PIPOX: variants seen among roughly 807,000 people sequenced by gnomAD.
The protein encoded by PIPOX is pipecolic acid and sarcosine oxidase.
Under a neutral mutation model 47.9 loss-of-function variants are expected in PIPOX, and 45 were observed. That is an observed-to-expected ratio of 0.94 (90% CI 0.74 to 1.20). The LOEUF (loss-of-function observed/expected upper bound fraction) is 1.20. PIPOX is among the 50% of genes most tolerant of loss of function. The pLI is 0.00. For missense variants in PIPOX, 458 were observed against 498.4 expected (o/e 0.92, Z 0.77); for synonymous variants, 165 against 191.3 (o/e 0.86, Z 1.13).
In PIPOX at chr17:29,055,178, A is replaced by T; in HGVS notation, c.923A>T (p.Asp308Val). ...AGCTTTGTCAGAGATCACTTACCTG[A>T]TCTGAAGCCCGAGCCTGCTGTCATT... ...LSSFVRDHLP[D>V]LKPEPAVIES... The change falls in exon 6 of 8, where the codon GAT becomes GTT. Residue 308 changes from aspartate to valine, a missense_variant. Physicochemically the swap from Asp to Val is radical, Grantham distance 152 (BLOSUM62 -3). Coordinates refer to ENST00000323372, the MANE Select transcript of PIPOX (RefSeq NM_016518.3). The T allele has an allele frequency of 6.2e-7, 1 of 1,614,086 alleles. No individual in the cohort carries two copies. Among genetic ancestry groups the T allele is most frequent in the Non-Finnish European group, 8.5e-7 (1 of 1,179,990 alleles).
At chr17:29,052,863 A>G in intron 2 of PIPOX, 57 bp from the exon 3 acceptor site, 4 of 1,496,666 alleles carry the variant, frequency 2.7e-6, no homozygotes, top group Non-Finnish European at 3.7e-6. Context: ...GTGAGTCGTC[A>G]CATCAGGCCC....
rs151270250 is a variant in PIPOX, at chr17:29,054,564, G to A, written c.680G>A (p.Cys227Tyr). The part of the protein sequence containing the change: ...MPLQTLRINV[C>Y]YWREMVPGSY... ...CTCAAGACCCTGCGGATCAACGTGTGTTACTGGCGAGAGATGGTTCCTGGG... is the reference window on the plus strand; with the variant it reads ...CTCAAGACCCTGCGGATCAACGTGTATTACTGGCGAGAGATGGTTCCTGGG... The change falls in exon 5 of 8, where the codon TGT (cysteine) becomes TAT (tyrosine). Residue 227 changes from cysteine (C) to tyrosine (Y), a missense_variant. Physicochemically the swap from Cys to Tyr is radical, Grantham distance 194. Transcript: ENST00000323372. The A allele has an allele frequency of 4.3e-4, 693 of 1,614,196 alleles. 4 individuals carry two copies. In the South Asian group the frequency reaches 4.7e-3, roughly 11 times the overall value.
rs746677098 is a variant in PIPOX, at chr17:29,055,881, A to C, written c.1035A>C (p.Gly345=). The C allele has an allele frequency of 2.5e-6, 4 of 1,613,762 alleles. No homozygotes were observed. The African/African-American group carries it at 5.3e-5, about 22-fold the overall frequency. The change falls in exon 7 of 8, where the codon GGA becomes GGC. Residue 345 remains glycine, a synonymous_variant. Coordinates refer to ENST00000323372, the MANE Select transcript of PIPOX (RefSeq NM_016518.3). ...PKYDNIVIGA[G]FSGHGFKLAP... is the part of the protein sequence containing the mutation. ...ATGACAACATTGTCATTGGTGCTGG[A>C]TTCTCTGGTGAGTCTGAGCTGGGGG...
intron 5 of PIPOX, 26 bp from the exon 6 acceptor site, chr17:29,055,037 C>T (rs1300572837): frequency 6.2e-7 from 1 of 1,613,786 alleles, no homozygotes; most frequent in Non-Finnish European, 8.5e-7. Context: ...GCCCTCACCA[C>T]TCATGCCACT....
intron 3 of PIPOX, 109 bp from the exon 4 acceptor site, chr17:29,053,304 G>A (rs1181629748): frequency 1.6e-6 from 2 of 1,261,844 alleles, no homozygotes; most frequent in Non-Finnish European, 1.1e-6. Flanking sequence ...GTCAATACAG[G>A]ACAGGTCTAG....
chr17:29,046,725 C>T lies in PIPOX; in HGVS notation c.263+1718C>T, dbSNP rs572179103. 2.1e-4 allele frequency: 206 copies of T among 985,318 alleles called. 1 individual carries two copies. In the South Asian group the frequency reaches 5.0e-3, roughly 24 times the overall value. 61.0% of individuals were successfully genotyped at this position (985,318 alleles called of 1,614,324 possible). A position where few individuals can be genotyped will look rare whatever the true frequency, so the allele number is the denominator to read the frequency against. The stretch of plus-strand genomic sequence containing the variant: ...TCCTTGGGTAGGAGACTCTCAGAAG[C>T]GCACAATCCTCCTCTTTGCCAGGAG... On this transcript the variant is annotated intron_variant, in intron 2 of 7. Coordinates refer to ENST00000323372, the MANE Select transcript of PIPOX (RefSeq NM_016518.3).
chr17:29,044,747 A>G, intron 1 of PIPOX, 112 bp from the exon 2 acceptor site: 3 of 1,127,558 alleles, frequency 2.7e-6, no homozygotes, highest in East Asian at 5.0e-5. Context: ...GTGTGGAAAT[A>G]TTTGAAGGAT....
At chr17:29,055,774 G>A (rs2065825307) in intron 6 of PIPOX, 39 bp from the exon 7 acceptor site, 1 of 1,541,198 alleles carries the variant, frequency 6.5e-7, no homozygotes, top group Non-Finnish European at 9.0e-7. Flanking sequence ...CTCTTCCCTC[G>A]AGCCTCAAAG....
intron 2 of PIPOX, among the ~76,000 whole-genome samples, chr17:29,050,223 G>T (rs748155188): frequency 1.3e-5 from 2 of 152,200 alleles, no homozygotes; most frequent in Non-Finnish European, 2.9e-5. Flanking sequence ...CTGGTATATT[G>T]CAGGCAGAGA....
chr17:29,054,419 C>T, intron 4 of PIPOX, 126 bp from the exon 5 acceptor site: 5 of 925,430 alleles, frequency 5.4e-6, no homozygotes, highest in Non-Finnish European at 8.5e-6. Context: ...GAGAGACAAA[C>T]ATGGATGAGT....
At position 29,053,608 on chromosome 17, in the gene PIPOX, G is replaced by A; in HGVS notation, c.660+13G>A. 2 of 1,564,052 alleles carry A rather than the reference G, an allele frequency of 1.3e-6. No individual in the cohort carries two copies. The highest frequency in any genetic ancestry group is 2.3e-5 in the South Asian group (2 of 86,920). The stretch of plus-strand genomic sequence containing the variant: ...GATGCCTCTCCAGGTAAGAGGAGCT[G>A]GAAGCCCGAGAGTTGGTGCTCAAGA... On this transcript the variant is annotated intron_variant, in intron 4 of 7. Transcript: ENST00000323372.
chr17:29,055,222 G>T lies in PIPOX; in HGVS notation c.966+1G>T. On this transcript the variant is annotated splice_donor_variant, in intron 6 of 7. Transcript: ENST00000323372. LOFTEE classifies it high-confidence loss of function. ...TGTCATTGAGAGCTGCATGTACACG[G>T]TAAGGGGTCTGGGCAGCCTTGCTGG... is the stretch of plus-strand genomic sequence containing the variant. 5 of 1,614,172 alleles carry T rather than the reference G, an allele frequency of 3.1e-6. No homozygotes were observed. The highest frequency in any genetic ancestry group is 4.2e-6 in the Non-Finnish European group (5 of 1,180,028).
chr17:29,053,600 G>A lies in PIPOX; in HGVS notation c.660+5G>A, dbSNP rs369115119. 2.5e-5 allele frequency: 39 copies of A among 1,572,984 alleles called. No homozygotes were observed. The highest frequency in any genetic ancestry group is 3.2e-5 in the Non-Finnish European group (37 of 1,154,216). On this transcript the variant is annotated splice_donor_5th_base_variant and intron_variant, in intron 4 of 7. Transcript: ENST00000323372. ...GGCATTGAGATGCCTCTCCAGGTAAGAGGAGCTGGAAGCCCGAGAGTTGGT... is the reference window on the plus strand; with the variant it reads ...GGCATTGAGATGCCTCTCCAGGTAAAAGGAGCTGGAAGCCCGAGAGTTGGT...
chr17:29,053,203 G>A (rs1268461767), intron 3 of PIPOX, 70 bp downstream of exon 3: 13 of 1,455,142 alleles, frequency 8.9e-6, no homozygotes, highest in South Asian at 1.2e-5. Flanking sequence ...CAAGCAGCCA[G>A]CCCAAGACCC....
chr17:29,043,551 A>G (rs138162803), intron 1 of PIPOX, among the ~76,000 whole-genome samples: 24 of 152,250 alleles, frequency 1.6e-4, no homozygotes, highest in Non-Finnish European at 3.2e-4. Context: ...TTCTAGGCAC[A>G]TTTCCTCTTT....
At chr17:29,054,922 G>A (rs763633440) in intron 5 of PIPOX, 141 bp from the exon 6 acceptor site, 193 of 1,212,006 alleles carry the variant, frequency 1.6e-4, no homozygotes, top group Non-Finnish European at 2.1e-4. Context: ...GCAGCCTCAG[G>A]TGACAGCCCA....
chr17:29,056,290 C>A lies in PIPOX; in HGVS notation c.1158C>A (p.Gly386=), dbSNP rs139918077. The change falls in exon 8 of 8, where the codon GGC becomes GGA. Residue 386 remains glycine (G), a synonymous_variant. Coordinates refer to ENST00000323372, the MANE Select transcript of PIPOX (RefSeq NM_016518.3). ...GAATCAGCCGTTTCCCAAGCCTGGG[C>A]AAAGCCCACCTTTGACCTCTGGCCA... The part of the protein sequence containing the change: ...PFRISRFPSL[G]KAHL 10 of 1,614,122 alleles carry A rather than the reference C, an allele frequency of 6.2e-6. No individual in the cohort carries two copies. The highest frequency in any genetic ancestry group is 2.2e-5 in the East Asian group (1 of 44,900).
At chr17:29,050,064 C>T (rs1336923995) in intron 2 of PIPOX, among the ~76,000 whole-genome samples, 2 of 152,110 alleles carry the variant, frequency 1.3e-5, no homozygotes, top group South Asian at 2.1e-4. Flanking sequence ...CAGATATGCC[C>T]GTTGTCTTGG....
intron 2 of PIPOX, among the ~76,000 whole-genome samples, chr17:29,052,589 T>C (rs2065810500): frequency 6.6e-6 from 1 of 152,216 alleles, no homozygotes; most frequent in Admixed American, 6.5e-5. Flanking sequence ...AGACAGGGGC[T>C]TGCTCTCTCA....
Sources: allele counts gnomAD v4.1 joint callset (sites outside exome capture counted in the v4.1 genomes callset), GRCh38; gene constraint gnomAD v4.1.1; transcripts MANE v1.5; gene names NCBI Gene and HGNC (gene_info 2026-07-23, HGNC 2026-07-21).